CLVS1: variants seen among roughly 807,000 people sequenced by gnomAD.
CLVS1 encodes the protein clavesin 1.
In CLVS1, 10 loss-of-function variants were observed where a neutral mutation model predicts 33.1. That is an observed-to-expected ratio of 0.30 (90% CI 0.19 to 0.51). The LOEUF is 0.51. CLVS1 is among the 20% of genes least tolerant of loss of function. CLVS1 has a pLI of 0.97. For missense variants in CLVS1, 343 were observed against 433.4 expected (o/e 0.79, Z 1.85); for synonymous variants, 163 against 166.1 (o/e 0.98, Z 0.14).
intron 5 of CLVS1, among the ~76,000 whole-genome samples, chr8:61,470,569 G>A (rs983467581): frequency 2.0e-5 from 3 of 152,214 alleles, no homozygotes; most frequent in African/African-American, 7.2e-5. Context: ...TTTATTTCTT[G>A]TGACATATTG....
chr8:61,336,124 C>T (rs1811790501), intron 2 of CLVS1, among the ~76,000 whole-genome samples: 1 of 152,162 alleles, frequency 6.6e-6, no homozygotes, highest in African/African-American at 2.4e-5. Flanking sequence ...GGTTGGGAAA[C>T]TGCAGGACCC....
chr8:61,171,915 C>G (rs1450902462), intron 2 of CLVS1, among the ~76,000 whole-genome samples: 1 of 152,172 alleles, frequency 6.6e-6, no homozygotes, highest in Non-Finnish European at 1.5e-5. Flanking sequence ...ATCAAGCAGG[C>G]TTGGTGCAAG....
intron 2 of CLVS1, among the ~76,000 whole-genome samples, chr8:61,272,064 A>G (rs1809451983): frequency 6.6e-6 from 1 of 150,474 alleles, no homozygotes; most frequent in African/African-American, 2.4e-5. Context: ...TTTGCTCGTT[A>G]GTTGATGCAG....
chr8:61,136,577 G>A (rs1290604943), intron 2 of CLVS1, among the ~76,000 whole-genome samples: 2 of 152,168 alleles, frequency 1.3e-5, no homozygotes, highest in African/African-American at 4.8e-5. Context: ...GCAAACTAAT[G>A]CAGGAACAGA....
At chr8:60,999,227 TA>T in the CLVS1 span, among the ~76,000 whole-genome samples, 1 of 152,228 alleles carries the variant, frequency 6.6e-6, no homozygotes, top group Non-Finnish European at 1.5e-5. Context: ...GCAGTGCTAC[TA>T]CTGGCTGGCA....
chr8:61,356,554 C>G (rs1335409128), intron 2 of CLVS1, among the ~76,000 whole-genome samples: 1 of 151,504 alleles, frequency 6.6e-6, no homozygotes, highest in Non-Finnish European at 1.5e-5. Context: ...TTAGGTCTAA[C>G]GTTTAAGTCT....
chr8:61,103,000 A>T (rs529657876), intron 1 of CLVS1, among the ~76,000 whole-genome samples: 41 of 152,338 alleles, frequency 2.7e-4, no homozygotes, highest in African/African-American at 9.9e-4. Flanking sequence ...AGGCAATGAT[A>T]GTAGATCATA....
At chr8:61,393,194 T>C (rs1373444668) in intron 3 of CLVS1, among the ~76,000 whole-genome samples, 1 of 152,216 alleles carries the variant, frequency 6.6e-6, no homozygotes, top group African/African-American at 2.4e-5. Context: ...ATTCTATTGT[T>C]GAAACTTTCG....
At chr8:61,438,094 G>A (rs1282295874) in intron 3 of CLVS1, among the ~76,000 whole-genome samples, 2 of 152,298 alleles carry the variant, frequency 1.3e-5, no homozygotes, top group African/African-American at 4.8e-5. Context: ...GGGTATATGT[G>A]TGCCACAGTT....
chr8:61,426,656 C>T (rs1815906381), intron 3 of CLVS1, among the ~76,000 whole-genome samples: 1 of 152,160 alleles, frequency 6.6e-6, no homozygotes, highest in African/African-American at 2.4e-5. Flanking sequence ...GTACCGTCTA[C>T]CACTGGATTT....
the CLVS1 span, among the ~76,000 whole-genome samples, chr8:61,023,751 C>G: frequency 6.6e-6 from 1 of 152,132 alleles, no homozygotes; most frequent in Non-Finnish European, 1.5e-5. Context: ...GGGAGAGGCC[C>G]AGGGAGCCAG....
chr8:61,264,950 A>G (rs191363200), intron 2 of CLVS1: 1 of 152,302 alleles, frequency 6.6e-6, no homozygotes, highest in East Asian at 1.9e-4. Flanking sequence ...GTTTTAAGCT[A>G]CTATTTCTTG....
intron 2 of CLVS1, among the ~76,000 whole-genome samples, chr8:61,325,312 A>G (rs1307451872): frequency 2.0e-5 from 3 of 152,310 alleles, no homozygotes; most frequent in East Asian, 3.9e-4. Flanking sequence ...ATATCAAATT[A>G]TCATCTGTAC....
intron 2 of CLVS1, among the ~76,000 whole-genome samples, chr8:61,337,184 A>G (rs1017301676): frequency 6.6e-6 from 1 of 152,142 alleles, no homozygotes; most frequent in Admixed American, 6.5e-5. Flanking sequence ...AAAGTAGTAA[A>G]CACTTTTAAG....
chr8:61,429,404 A>G (rs907064970), intron 3 of CLVS1, among the ~76,000 whole-genome samples: 25 of 141,200 alleles, frequency 1.8e-4, no homozygotes, highest in Middle Eastern at 3.6e-3. Context: ...TAGGTGACAC[A>G]GTGAGACTCT....
At chr8:61,419,023 G>T (rs1331532770) in intron 3 of CLVS1, among the ~76,000 whole-genome samples, 1 of 152,136 alleles carries the variant, frequency 6.6e-6, no homozygotes, top group African/African-American at 2.4e-5. Context: ...GGGATGAGAT[G>T]GGAGAGGTGT....
the CLVS1 span, among the ~76,000 whole-genome samples, chr8:61,048,909 T>C: frequency 2.0e-5 from 3 of 152,168 alleles, no homozygotes; most frequent in African/African-American, 7.2e-5. Flanking sequence ...GGCTCTGATA[T>C]CCTTTTTCCT....
chr8:61,285,908 G>T (rs928747523), upstream of CLVS1, among the ~76,000 whole-genome samples: 24 of 151,500 alleles, frequency 1.6e-4, no homozygotes, highest in African/African-American at 5.6e-4. Context: ...AGGTCAAATT[G>T]TAGAAGGAAG....
At chr8:61,032,614 G>A in the CLVS1 span, among the ~76,000 whole-genome samples, 4 of 152,254 alleles carry the variant, frequency 2.6e-5, no homozygotes, top group East Asian at 7.7e-4. Flanking sequence ...AGAAAAACAG[G>A]ACCTTGAATG....
Sources: gnomAD v4.1 joint callset for allele counts (sites outside exome capture counted in the v4.1 genomes callset) on GRCh38, gnomAD v4.1.1 for gene constraint, MANE v1.5 for transcripts, NCBI Gene and HGNC (gene_info 2026-07-23, HGNC 2026-07-21) for gene names.